Variants in CCSER1 observed in about 807,000 individuals in gnomAD.
CCSER1 encodes serine-rich coiled-coil domain-containing protein 1.
CCSER1 carries 41 observed loss-of-function variants against 82.0 expected under a neutral mutation model. The observed-to-expected ratio is 0.50, with a 90% CI of 0.39 to 0.65. The LOEUF (loss-of-function observed/expected upper bound fraction) is 0.65, where lower values mean the gene tolerates loss of function less well. Ranked by LOEUF, CCSER1 falls within the 30% of genes least tolerant of loss-of-function variation. The probability of loss-of-function intolerance (pLI) is 0.00; values close to 1 mark genes in which losing one functional copy is unlikely to be tolerated. For missense variants in CCSER1, 1,119 were observed against 1,064.2 expected (o/e 1.05, Z -0.72); for synonymous variants, 414 against 383.9 (o/e 1.08, Z -0.92).
At chr4:90,448,921 G>A (rs775447196) in intron 4 of CCSER1, among the ~76,000 whole-genome samples, 139 of 152,116 alleles carry the variant, frequency 9.1e-4, no homozygotes, top group Non-Finnish European at 1.6e-3. Context: ...CTGCATCCAG[G>A]AAGAATGAGG....
At chr4:90,393,772 C>CT (rs997027362) in intron 3 of CCSER1, among the ~76,000 whole-genome samples, 11,119 of 111,114 alleles carry the variant, frequency 0.1, 718 homozygotes, top group African/African-American at 0.22. Context: ...TTATATCTTC[C>CT]TTTTTTTTTT....
At chr4:90,134,241 A>G (rs992324025) in intron 1 of CCSER1, among the ~76,000 whole-genome samples, 1 of 152,218 alleles carries the variant, frequency 6.6e-6, no homozygotes, top group African/African-American at 2.4e-5. Context: ...TGCAAAAATT[A>G]TGAAACTCAT....
intron 9 of CCSER1, among the ~76,000 whole-genome samples, chr4:90,998,987 G>T (rs898762): frequency 0.4 from 61,210 of 151,944 alleles, 12,413 homozygotes; most frequent in East Asian, 0.47. Flanking sequence ...CATGCAGTAT[G>T]TAGTTTTATG....
chr4:91,521,329 G>A (rs1052134578), intron 10 of CCSER1, among the ~76,000 whole-genome samples: 8 of 152,134 alleles, frequency 5.3e-5, no homozygotes, highest in East Asian at 1.9e-4. Context: ...GAATAGTGCC[G>A]CAATAAACAT....
At chr4:90,328,490 C>G (rs1250180002) in intron 3 of CCSER1, among the ~76,000 whole-genome samples, 7 of 152,104 alleles carry the variant, frequency 4.6e-5, no homozygotes, top group Non-Finnish European at 8.8e-5. Flanking sequence ...AAAGTAGGAC[C>G]TCCCTATTAG....
At chr4:90,826,163 C>T (rs954977087) in intron 8 of CCSER1, among the ~76,000 whole-genome samples, 1 of 152,106 alleles carries the variant, frequency 6.6e-6, no homozygotes, top group Non-Finnish European at 1.5e-5. Context: ...TTGGCTATCA[C>T]CTCTACATGA....
intron 5 of CCSER1, among the ~76,000 whole-genome samples, chr4:90,495,613 A>G (rs1269290690): frequency 2.0e-5 from 3 of 152,338 alleles, no homozygotes; most frequent in Admixed American, 1.3e-4. Flanking sequence ...TAATTTTTAT[A>G]TGGATACTTA....
chr4:91,539,422 C>G lies in CCSER1; in HGVS notation c.2218-59150C>G, dbSNP rs187449406. ...TCTGAAGTTAATATTCTTCAATGTT[C>G]TAGCTAATGTTTTCTAATATATACT... On this transcript the variant is annotated intron_variant, in intron 10 of 10. Coordinates refer to ENST00000509176, the MANE Select transcript of CCSER1 (RefSeq NM_001145065.2). 1.5e-3 allele frequency among the ~76,000 whole-genome samples: 227 copies of G among 152,156 alleles called. 2 individuals carry two copies. The highest frequency in any genetic ancestry group is 5.2e-3 in the African/African-American group (216 of 41,550).
chr4:90,556,923 G>T (rs1778209657), intron 5 of CCSER1, among the ~76,000 whole-genome samples: 1 of 151,542 alleles, frequency 6.6e-6, no homozygotes, highest in South Asian at 2.1e-4. Context: ...AATCAGAAGA[G>T]ACTCCCTTCT....
intron 1 of CCSER1, among the ~76,000 whole-genome samples, chr4:90,286,801 A>C (rs1729985897): frequency 6.6e-6 from 1 of 151,966 alleles, no homozygotes; most frequent in African/African-American, 2.4e-5. Context: ...TTATAAACAG[A>C]TTTTACATTC....
At chr4:90,337,907 T>C (rs1740707398) in intron 3 of CCSER1, among the ~76,000 whole-genome samples, 1 of 152,218 alleles carries the variant, frequency 6.6e-6, no homozygotes, top group South Asian at 2.1e-4. Flanking sequence ...GATTTTCTCT[T>C]TCTTCATTCA....
At chr4:90,977,514 A>C (rs369409650) in intron 9 of CCSER1, among the ~76,000 whole-genome samples, 1 of 151,662 alleles carries the variant, frequency 6.6e-6, no homozygotes, top group African/African-American at 2.4e-5. Flanking sequence ...GGCATTATAA[A>C]TTGAACATGT....
At chr4:90,510,949 T>A (rs1771406612) in intron 5 of CCSER1, among the ~76,000 whole-genome samples, 2 of 152,050 alleles carry the variant, frequency 1.3e-5, no homozygotes, top group South Asian at 4.1e-4. Flanking sequence ...TGTGGCCCAA[T>A]GAGCACATCC....
At chr4:91,371,828 GGAC>G (rs1402167211) in intron 10 of CCSER1, among the ~76,000 whole-genome samples, 7 of 4,100 alleles carry the variant, frequency 1.7e-3, no homozygotes, top group Middle Eastern at 0.056. Context: ...CATCACCGTA[GGAC>G]CTAGGTGATG....
At chr4:90,328,643 G>A (rs1473039959) in intron 3 of CCSER1, among the ~76,000 whole-genome samples, 1 of 152,208 alleles carries the variant, frequency 6.6e-6, no homozygotes, top group African/African-American at 2.4e-5. Context: ...CAAGCAGCAT[G>A]TATTAAACAA....
intron 3 of CCSER1, among the ~76,000 whole-genome samples, chr4:90,327,500 GTA>G (rs1313161730): frequency 2.6e-5 from 4 of 152,028 alleles, no homozygotes; most frequent in African/African-American, 7.2e-5. Context: ...ATATTTTTCT[GTA>G]TCCTACTTGC....
chr4:91,307,617 G>C (rs936664106), intron 10 of CCSER1, among the ~76,000 whole-genome samples: 1 of 151,932 alleles, frequency 6.6e-6, no homozygotes, highest in Admixed American at 6.6e-5. Flanking sequence ...CTTACAATGA[G>C]TAAGAAGAAA....
intron 10 of CCSER1, among the ~76,000 whole-genome samples, chr4:91,573,869 G>A (rs1472836894): frequency 6.6e-6 from 1 of 151,890 alleles, no homozygotes; most frequent in African/African-American, 2.4e-5. Context: ...CACTAACAAT[G>A]AACTATTCAA....
At chr4:91,088,621 T>C (rs925035879) in intron 10 of CCSER1, among the ~76,000 whole-genome samples, 2 of 152,204 alleles carry the variant, frequency 1.3e-5, no homozygotes, top group Non-Finnish European at 2.9e-5. Context: ...CCCATTTATA[T>C]TGGTATTTTT....
Sources: gnomAD v4.1 joint callset for allele counts (sites outside exome capture counted in the v4.1 genomes callset) on GRCh38, gnomAD v4.1.1 for gene constraint, MANE v1.5 for transcripts, NCBI Gene and HGNC (gene_info 2026-07-23, HGNC 2026-07-21) for gene names.